Variants in GRIK2 observed in about 807,000 individuals in gnomAD.
GRIK2 encodes the protein glutamate receptor ionotropic, kainate 2.
In GRIK2, 32 loss-of-function variants were observed where a neutral mutation model predicts 100.3. The observed-to-expected ratio is 0.32, with a 90% CI of 0.24 to 0.43. GRIK2 has a LOEUF of 0.43. Ranked by LOEUF, GRIK2 falls within the 20% of genes least tolerant of loss-of-function variation. The probability of loss-of-function intolerance (pLI) is 1.00; values close to 1 mark genes in which losing one functional copy is unlikely to be tolerated. For missense variants in GRIK2, 843 were observed against 1,114.9 expected (o/e 0.76, Z 3.47); for synonymous variants, 417 against 389.4 (o/e 1.07, Z -0.83).
intron 12 of GRIK2, among the ~76,000 whole-genome samples, chr6:101,891,251 G>A (rs921745284): frequency 6.6e-6 from 1 of 151,716 alleles, no homozygotes; most frequent in Non-Finnish European, 1.5e-5. Context: ...GGGTGTGGTT[G>A]CTCACGCCTG....
At chr6:101,756,083 A>G (rs751608370) in intron 7 of GRIK2, among the ~76,000 whole-genome samples, 8 of 152,294 alleles carry the variant, frequency 5.3e-5, no homozygotes, top group Non-Finnish European at 7.4e-5. Flanking sequence ...GTGTTGTTTA[A>G]TAACATCTGA....
intron 2 of GRIK2, among the ~76,000 whole-genome samples, chr6:101,507,061 A>T (rs1165413064): frequency 1.3e-5 from 2 of 152,160 alleles, no homozygotes; most frequent in Non-Finnish European, 2.9e-5. Context: ...TTAATTAAAC[A>T]TAGAGTCAGA....
chr6:101,789,939 T>C (rs1039565132), intron 7 of GRIK2, among the ~76,000 whole-genome samples: 1 of 152,196 alleles, frequency 6.6e-6, no homozygotes, highest in African/African-American at 2.4e-5. Context: ...GTAAGTTGGA[T>C]TCCTAAGTAT....
At chr6:101,532,558 T>C (rs1292025368) in intron 2 of GRIK2, among the ~76,000 whole-genome samples, 1 of 151,480 alleles carries the variant, frequency 6.6e-6, no homozygotes, top group East Asian at 1.9e-4. Flanking sequence ...TTTAAAGTTT[T>C]ATTTGTGTCC....
intron 14 of GRIK2, among the ~76,000 whole-genome samples, chr6:102,027,375 T>C (rs890735315): frequency 3.3e-5 from 5 of 151,216 alleles, no homozygotes; most frequent in Admixed American, 6.6e-5. Context: ...TATAAATGTC[T>C]GTTTATTAAT....
chr6:101,729,738 A>G (rs766807503), intron 7 of GRIK2, among the ~76,000 whole-genome samples: 2 of 151,938 alleles, frequency 1.3e-5, no homozygotes, highest in African/African-American at 2.4e-5. Context: ...TCTCATGCAT[A>G]AAAGATCAAT....
At chr6:101,501,683 A>G (rs1264063419) in intron 2 of GRIK2, among the ~76,000 whole-genome samples, 2 of 152,198 alleles carry the variant, frequency 1.3e-5, no homozygotes, top group Non-Finnish European at 2.9e-5. Context: ...GAACTATAGT[A>G]ACCTGATTTG....
chr6:101,902,205 G>T (rs901459608), intron 12 of GRIK2, among the ~76,000 whole-genome samples: 1 of 151,940 alleles, frequency 6.6e-6, no homozygotes, highest in Non-Finnish European at 1.5e-5. Context: ...TGGGAAAAGA[G>T]ATGCAAAATT....
intron 7 of GRIK2, among the ~76,000 whole-genome samples, chr6:101,692,251 A>G (rs1052248817): frequency 1.3e-5 from 2 of 152,140 alleles, no homozygotes; most frequent in Non-Finnish European, 2.9e-5. Context: ...TAATGGATCA[A>G]ACCAACTCAA....
intron 7 of GRIK2, among the ~76,000 whole-genome samples, chr6:101,792,421 A>G (rs1779941189): frequency 6.6e-6 from 1 of 151,898 alleles, no homozygotes; most frequent in Non-Finnish European, 1.5e-5. Context: ...AAAATCTCTC[A>G]GCATTTGCTT....
intron 9 of GRIK2, among the ~76,000 whole-genome samples, chr6:101,813,399 T>C (rs1162436085): frequency 6.6e-6 from 1 of 152,116 alleles, no homozygotes; most frequent in East Asian, 1.9e-4. Context: ...AAAAATACCT[T>C]TAAGTCTGCA....
intron 15 of GRIK2, among the ~76,000 whole-genome samples, chr6:102,041,469 A>ATGTT (rs3029065): frequency 1.7e-4 from 26 of 151,504 alleles, no homozygotes; most frequent in Non-Finnish European, 2.5e-4. Context: ...AGCTAGTCAA[A>ATGTT]TGTTTGTTCT....
intron 4 of GRIK2, among the ~76,000 whole-genome samples, chr6:101,650,237 A>G (rs1273005944): frequency 6.6e-6 from 1 of 152,172 alleles, no homozygotes; most frequent in African/African-American, 2.4e-5. Flanking sequence ...GAAACCAATT[A>G]GTAAGGATAT....
At chr6:101,957,667 T>C (rs1031806392) in intron 14 of GRIK2, among the ~76,000 whole-genome samples, 2 of 152,038 alleles carry the variant, frequency 1.3e-5, no homozygotes, top group Non-Finnish European at 2.9e-5. Flanking sequence ...TTTCAGATCT[T>C]ACATTCAGGA....
In GRIK2 at chr6:101,621,965, T is replaced by C; in HGVS notation, c.132T>C (p.Tyr44=). The C allele has an allele frequency of 6.2e-7, 1 of 1,607,466 alleles. No homozygotes were observed. The highest frequency in any genetic ancestry group is 8.5e-7 in the Non-Finnish European group (1 of 1,174,568). Residue 44 remains tyrosine, a synonymous_variant, in exon 3 of 17, where the codon TAT becomes TAC. Transcript: ENST00000369134. ...TTTTGCCAGGTGGTATTTTTGAATA[T>C]GTGGAATCTGGCCCAATGGGAGCTG... ...HVLRFGGIFE[Y]VESGPMGAEE... is the part of the protein sequence containing the mutation.
chr6:102,001,706 C>T (rs1309750727), intron 14 of GRIK2, among the ~76,000 whole-genome samples: 2 of 151,940 alleles, frequency 1.3e-5, no homozygotes, highest in South Asian at 2.1e-4. Flanking sequence ...CCAGTCTGGT[C>T]GTGTAGTGCT....
chr6:101,703,745 G>A (rs1285692304), intron 7 of GRIK2, among the ~76,000 whole-genome samples: 1 of 151,584 alleles, frequency 6.6e-6, no homozygotes. Context: ...GCAGGAAAGA[G>A]TGAAGATACT....
chr6:101,794,767 C>T (rs901738378), intron 7 of GRIK2, among the ~76,000 whole-genome samples: 4 of 151,144 alleles, frequency 2.6e-5, no homozygotes, highest in African/African-American at 9.7e-5. Flanking sequence ...TTATTGTGCT[C>T]CTTTAGAGGT....
intron 2 of GRIK2, among the ~76,000 whole-genome samples, chr6:101,434,031 C>T (rs6939312): frequency 0.045 from 6,778 of 152,274 alleles, 317 homozygotes; most frequent in African/African-American, 0.1. Flanking sequence ...TACTGTAGCC[C>T]GCTGACACGG....
Sources: gnomAD v4.1 joint callset for allele counts (sites outside exome capture counted in the v4.1 genomes callset) on GRCh38, gnomAD v4.1.1 for gene constraint, MANE v1.5 for transcripts, NCBI Gene and HGNC (gene_info 2026-07-23, HGNC 2026-07-21) for gene names.